Variants in ADGRL2 observed in about 807,000 individuals in gnomAD.
The protein encoded by ADGRL2 is calcium-independent alpha-latrotoxin receptor 2.
A neutral mutation model predicts 157.4 loss-of-function variants in ADGRL2; 44 were observed. The ratio of observed to expected loss-of-function variants is 0.28; its 90% confidence interval spans 0.22 to 0.36. The LOEUF (loss-of-function observed/expected upper bound fraction) is 0.36, where lower values mean the gene tolerates loss of function less well. ADGRL2 is among the 10% of genes least tolerant of loss of function. The pLI is 1.00. For missense variants in ADGRL2, 1,510 were observed against 1,768.9 expected (o/e 0.85, Z 2.63); for synonymous variants, 585 against 624.7 (o/e 0.94, Z 0.95).
chr1:81,640,756 A>G (rs1347040573), intron 3 of ADGRL2, among the ~76,000 whole-genome samples: 1 of 152,310 alleles, frequency 6.6e-6, no homozygotes, highest in East Asian at 1.9e-4. Flanking sequence ...CACTCATGCT[A>G]AAGTTCCACA....
rs1464513296 is a variant in ADGRL2, at chr1:81,993,076, TATATATATATA to T, written c.*1932_*1942del. Among the ~76,000 whole-genome samples the T allele has an allele frequency of 4.4e-3, 123 of 28,270 alleles. No individual in the cohort carries two copies. The highest frequency in any genetic ancestry group is 0.01 in the East Asian group (8 of 762). The allele number at this position is 28,270 out of a possible 152,430, so 18.5% of individuals were successfully genotyped here. ...TAATATACATATATATATATATATA[TATATATATATA>T]TTTTTTTTTTTTTTTTTTTTTTTTT... On this transcript the variant is annotated 3_prime_UTR_variant, in exon 24 of 24. Transcript: ENST00000686636.
chr1:81,415,560 T>C (rs1251016697), intron 1 of ADGRL2, among the ~76,000 whole-genome samples: 1 of 152,056 alleles, frequency 6.6e-6, no homozygotes, highest in African/African-American at 2.4e-5. Context: ...TGGTAAAGAG[T>C]TGAGTACATG....
chr1:81,517,505 G>A (rs528009643), intron 2 of ADGRL2, among the ~76,000 whole-genome samples: 1 of 139,872 alleles, frequency 7.1e-6, no homozygotes, highest in African/African-American at 2.7e-5. Flanking sequence ...TCAAAACCAC[G>A]ATCCTTCGGA....
At chr1:81,444,324 A>G (rs1429376333) in intron 1 of ADGRL2, among the ~76,000 whole-genome samples, 1 of 152,224 alleles carries the variant, frequency 6.6e-6, no homozygotes, top group African/African-American at 2.4e-5. Flanking sequence ...TATTTAATAT[A>G]TGGCCACTTC....
chr1:81,509,738 T>G (rs1376747180), intron 2 of ADGRL2, among the ~76,000 whole-genome samples: 1 of 152,198 alleles, frequency 6.6e-6, no homozygotes, highest in Non-Finnish European at 1.5e-5. Context: ...GGCATGAAGC[T>G]GAACTGACAC....
chr1:81,932,534 G>A (rs1053342300), intron 3 of ADGRL2, among the ~76,000 whole-genome samples: 1 of 152,078 alleles, frequency 6.6e-6, no homozygotes, highest in Non-Finnish European at 1.5e-5. Context: ...TTATTCTTTA[G>A]TAAAGTATCT....
At chr1:81,682,101 A>ATGTGTGTGTGTGTGTG (rs1440744581) in intron 3 of ADGRL2, among the ~76,000 whole-genome samples, 39 of 88,328 alleles carry the variant, frequency 4.4e-4, no homozygotes, top group African/African-American at 1.7e-3. Flanking sequence ...ATATACATAT[A>ATGTGTGTGTGTGTGTG]TATGTGTGTG....
intron 2 of ADGRL2, among the ~76,000 whole-genome samples, chr1:81,874,164 A>G (rs1181580436): frequency 6.6e-6 from 1 of 152,088 alleles, no homozygotes; most frequent in Non-Finnish European, 1.5e-5. Flanking sequence ...AAAACTTGCC[A>G]TTTCAGTCTT....
chr1:81,601,266 T>C (rs558347199), intron 3 of ADGRL2, among the ~76,000 whole-genome samples: 3 of 152,356 alleles, frequency 2.0e-5, no homozygotes, highest in South Asian at 4.1e-4. Context: ...AATGTGAGAA[T>C]ATTAACTTTG....
intron 1 of ADGRL2, among the ~76,000 whole-genome samples, chr1:81,403,132 C>T (rs1170164215): frequency 6.6e-6 from 1 of 152,052 alleles, no homozygotes; most frequent in Non-Finnish European, 1.5e-5. Context: ...TGGAAGATGT[C>T]CTTGATGAGA....
chr1:81,694,846 GAACA>G (rs1235117396), upstream of ADGRL2, among the ~76,000 whole-genome samples: 5 of 152,224 alleles, frequency 3.3e-5, no homozygotes, highest in South Asian at 1.0e-3. Context: ...AAACCTTGAT[GAACA>G]TTGTGAATCC....
intron 2 of ADGRL2, among the ~76,000 whole-genome samples, chr1:81,491,792 C>T (rs1184997217): frequency 6.6e-6 from 1 of 152,148 alleles, no homozygotes; most frequent in Non-Finnish European, 1.5e-5. Flanking sequence ...CATTCTTTCT[C>T]AATCAAGAGA....
At chr1:81,372,592 A>G (rs1461500547) in intron 1 of ADGRL2, among the ~76,000 whole-genome samples, 1 of 151,022 alleles carries the variant, frequency 6.6e-6, no homozygotes, top group Non-Finnish European at 1.5e-5. Context: ...ATGGCTCTTG[A>G]TTAATTAATT....
intron 2 of ADGRL2, among the ~76,000 whole-genome samples, chr1:81,550,641 A>G (rs2080123461): frequency 6.6e-6 from 1 of 152,222 alleles, no homozygotes; most frequent in African/African-American, 2.4e-5. Context: ...CAGCACGCCG[A>G]GTTGGCAGTC....
chr1:81,468,442 TA>T (rs1430727011), intron 2 of ADGRL2, among the ~76,000 whole-genome samples: 1 of 152,070 alleles, frequency 6.6e-6, no homozygotes, highest in African/African-American at 2.4e-5. Flanking sequence ...AGACAGAAAA[TA>T]AAATGGACCC....
chr1:81,469,475 T>G (rs1283415642), intron 2 of ADGRL2, among the ~76,000 whole-genome samples: 1 of 152,214 alleles, frequency 6.6e-6, no homozygotes, highest in East Asian at 1.9e-4. Flanking sequence ...TTATACTCTT[T>G]CATCCCCTAA....
At chr1:81,738,839 C>T (rs1211070695) in intron 1 of ADGRL2, among the ~76,000 whole-genome samples, 2 of 152,198 alleles carry the variant, frequency 1.3e-5, no homozygotes, top group Admixed American at 1.3e-4. Context: ...GGCCCTTGGC[C>T]TGGTGACCTA....
intron 1 of ADGRL2, among the ~76,000 whole-genome samples, chr1:81,835,903 T>G (rs1439242026): frequency 1.3e-5 from 2 of 152,128 alleles, no homozygotes; most frequent in Non-Finnish European, 2.9e-5. Context: ...TTCAAACCAT[T>G]TAACATCTGC....
At chr1:81,838,315 A>G (rs1020699150) in intron 2 of ADGRL2, among the ~76,000 whole-genome samples, 6 of 152,104 alleles carry the variant, frequency 3.9e-5, no homozygotes, top group African/African-American at 1.2e-4. Context: ...TACTTAAAAT[A>G]AGAGTTTCTG....
Sources: gnomAD v4.1 joint callset for allele counts (sites outside exome capture counted in the v4.1 genomes callset) on GRCh38, gnomAD v4.1.1 for gene constraint, MANE v1.5 for transcripts, NCBI Gene and HGNC (gene_info 2026-07-23, HGNC 2026-07-21) for gene names.